ADK: variants seen among roughly 807,000 people sequenced by gnomAD.
ADK encodes the protein adenosine kinase.
Under a neutral mutation model 44.7 loss-of-function variants are expected in ADK, and 24 were observed. The observed-to-expected ratio is 0.54, with a 90% CI of 0.39 to 0.76. The LOEUF (loss-of-function observed/expected upper bound fraction) is 0.76. Ranked by LOEUF, ADK falls within the 30% of genes least tolerant of loss-of-function variation. The pLI, the probability that ADK is intolerant of heterozygous loss-of-function variation, is 0.00. For missense variants in ADK, 321 were observed against 425.1 expected, an observed-to-expected ratio of 0.76 and a Z score of 2.15; for synonymous variants, 128 against 142.6, an observed-to-expected ratio of 0.90 and a Z score of 0.73.
At chr10:74,490,556 C>T (rs923170443) in intron 6 of ADK, among the ~76,000 whole-genome samples, 4 of 151,968 alleles carry the variant, frequency 2.6e-5, no homozygotes, top group Non-Finnish European at 5.9e-5. Context: ...GTTTAGGAGC[C>T]TATATTAAGC....
At chr10:74,477,989 C>T (rs1193739765) in intron 6 of ADK, among the ~76,000 whole-genome samples, 1 of 152,188 alleles carries the variant, frequency 6.6e-6, no homozygotes, top group African/African-American at 2.4e-5. Context: ...TTTATACTTA[C>T]ATGGTAGTTT....
chr10:74,251,287 G>C (rs538012040), intron 3 of ADK, among the ~76,000 whole-genome samples: 1 of 152,208 alleles, frequency 6.6e-6, no homozygotes, highest in Non-Finnish European at 1.5e-5. Flanking sequence ...CAAGAGAAAG[G>C]AGGAGGAGTA....
At position 74,701,335 on chromosome 10, in the gene ADK, A is replaced by G. The variant is rs147615537; in HGVS notation, c.965-6986A>G. 2.4e-3 allele frequency among the ~76,000 whole-genome samples: 369 copies of G among 152,296 alleles called. 1 individual carries two copies. The highest frequency in any genetic ancestry group is 8.4e-3 in the African/African-American group (348 of 41,552). ...TGTAAGTGTGTGTGTGTGCATGACT[A>G]TGTATACATGCATACTTCCCAGCTC... On this transcript the variant is annotated intron_variant, in intron 10 of 10. Transcript: ENST00000539909.
chr10:74,330,711 G>A, intron 4 of ADK, among the ~76,000 whole-genome samples: 1 of 152,286 alleles, frequency 6.6e-6, no homozygotes, highest in East Asian at 1.9e-4. Flanking sequence ...AGGAACATAA[G>A]CCTTCCAGCG....
intron 3 of ADK, among the ~76,000 whole-genome samples, chr10:74,288,655 A>G (rs1847286801): frequency 1.3e-5 from 2 of 152,226 alleles, no homozygotes; most frequent in African/African-American, 4.8e-5. Flanking sequence ...CATCTCAAAA[A>G]GAAAAGTGAA....
intron 6 of ADK, among the ~76,000 whole-genome samples, chr10:74,437,580 T>G (rs1034422132): frequency 6.6e-6 from 1 of 152,168 alleles, no homozygotes; most frequent in Non-Finnish European, 1.5e-5. Context: ...TTACTCTTCT[T>G]TTATCAGCAA....
chr10:74,378,177 C>T (rs569373241), intron 4 of ADK, among the ~76,000 whole-genome samples: 1 of 152,026 alleles, frequency 6.6e-6, no homozygotes, highest in Admixed American at 6.5e-5. Context: ...AGGCTCACAC[C>T]TGTAATCCCA....
chr10:74,451,931 G>C (rs1845796162), intron 6 of ADK, among the ~76,000 whole-genome samples: 1 of 151,878 alleles, frequency 6.6e-6, no homozygotes, highest in South Asian at 2.1e-4. Context: ...TTTTGGGAAA[G>C]TGGGCTTGAA....
chr10:74,666,328 T>C (rs894876544), intron 9 of ADK, among the ~76,000 whole-genome samples: 3 of 152,186 alleles, frequency 2.0e-5, no homozygotes, highest in African/African-American at 7.2e-5. Flanking sequence ...ATGAAGGCAC[T>C]CTGCAAGTCT....
At chr10:74,560,219 T>C (rs1850406917) in intron 7 of ADK, among the ~76,000 whole-genome samples, 5 of 152,338 alleles carry the variant, frequency 3.3e-5, no homozygotes, top group Admixed American at 2.6e-4. Flanking sequence ...ATACCCAGCC[T>C]GTCTGTTGAT....
intron 7 of ADK, among the ~76,000 whole-genome samples, chr10:74,583,173 G>T (rs1210028803): frequency 6.6e-6 from 1 of 152,144 alleles, no homozygotes; most frequent in African/African-American, 2.4e-5. Flanking sequence ...TCTTTATGTT[G>T]TGATATATTG....
At chr10:74,623,462 T>G (rs1853071363) in intron 9 of ADK, among the ~76,000 whole-genome samples, 1 of 152,040 alleles carries the variant, frequency 6.6e-6, no homozygotes, top group South Asian at 2.1e-4. Context: ...CAAGAAAATG[T>G]CCATATATGA....
intron 6 of ADK, among the ~76,000 whole-genome samples, chr10:74,520,593 TAA>T (rs10710238): frequency 0.03 from 4,505 of 149,304 alleles, 192 homozygotes; most frequent in African/African-American, 0.092. Flanking sequence ...TAAACACTGG[TAA>T]AAAAAAAAAG....
intron 10 of ADK, among the ~76,000 whole-genome samples, chr10:74,682,954 A>C (rs1048091452): frequency 1.3e-5 from 2 of 152,246 alleles, no homozygotes; most frequent in Non-Finnish European, 2.9e-5. Flanking sequence ...TTCAAAATTT[A>C]ATATTTATTA....
intron 7 of ADK, among the ~76,000 whole-genome samples, chr10:74,585,126 A>G (rs1158931298): frequency 2.6e-5 from 4 of 152,120 alleles, no homozygotes; most frequent in African/African-American, 7.2e-5. Context: ...TAAGTATTCC[A>G]TAGTTTTCAT....
chr10:74,298,195 A>T (rs770574054), intron 3 of ADK, among the ~76,000 whole-genome samples: 1 of 152,188 alleles, frequency 6.6e-6, no homozygotes, highest in South Asian at 2.1e-4. Context: ...AATTCTCATA[A>T]AAATTCAAAA....
chr10:74,588,750 A>T (rs573812917), intron 7 of ADK, among the ~76,000 whole-genome samples: 1 of 152,332 alleles, frequency 6.6e-6, no homozygotes, highest in South Asian at 2.1e-4. Context: ...CGTGACCAGC[A>T]TATAATCTGA....
At chr10:74,256,611 C>T (rs973821359) in intron 3 of ADK, among the ~76,000 whole-genome samples, 4 of 152,134 alleles carry the variant, frequency 2.6e-5, no homozygotes, top group Non-Finnish European at 4.4e-5. Flanking sequence ...ACTGTCCAGA[C>T]TACTCTTTCC....
At chr10:74,402,016 T>C (rs1358141549) in intron 6 of ADK, among the ~76,000 whole-genome samples, 1 of 152,236 alleles carries the variant, frequency 6.6e-6, no homozygotes, top group Non-Finnish European at 1.5e-5. Context: ...TTTGGCTCGA[T>C]ATGAATTTCT....
Sources: allele counts gnomAD v4.1 joint callset (sites outside exome capture counted in the v4.1 genomes callset), GRCh38; gene constraint gnomAD v4.1.1; transcripts MANE v1.5; gene names NCBI Gene and HGNC (gene_info 2026-07-23, HGNC 2026-07-21).